WWTR1: variants seen among roughly 807,000 people sequenced by gnomAD.
The protein encoded by WWTR1 is WW domain-containing transcription regulator protein 1.
In WWTR1, 13 loss-of-function variants were observed where a neutral mutation model predicts 40.1. The ratio of observed to expected loss-of-function variants is 0.32; its 90% CI spans 0.21 to 0.52. The LOEUF (loss-of-function observed/expected upper bound fraction) is 0.52, where lower values mean the gene tolerates loss of function less well. Ranked by LOEUF, WWTR1 falls within the 20% of genes least tolerant of loss-of-function variation. The probability of loss-of-function intolerance (pLI) is 0.97; values close to 1 mark genes in which losing one functional copy is unlikely to be tolerated. For missense variants in WWTR1, 436 were observed against 523.1 expected, an observed-to-expected ratio of 0.83 and a Z score of 1.63; for synonymous variants, 230 against 210.1, an observed-to-expected ratio of 1.09 and a Z score of -0.82.
At chr3:149,571,230 T>C (rs1423879844) in intron 3 of WWTR1, among the ~76,000 whole-genome samples, 1 of 142,546 alleles carries the variant, frequency 7.0e-6, no homozygotes, top group Non-Finnish European at 1.6e-5. Flanking sequence ...TTTTTTTTTT[T>C]TTTTTTGTAA....
chr3:149,700,739 G>A (rs941450015), intron 1 of WWTR1, among the ~76,000 whole-genome samples: 3 of 152,148 alleles, frequency 2.0e-5, no homozygotes, highest in Admixed American at 6.5e-5. Flanking sequence ...TCACAGGCTG[G>A]GGGCCATGGG....
In WWTR1 at chr3:149,622,489, G is replaced by GAAA. The variant is rs1560089651; in HGVS notation, c.431+34386_431+34387insTTT. The stretch of plus-strand genomic sequence containing the variant: ...AGGAAGGAAGGAAGGAAGGAAGGAA[G>GAAA]GAAGGAAGGAAGGAAGAAAGAAAGA... On this transcript the variant is annotated intron_variant, in intron 2 of 6. Transcript: ENST00000360632. Among the ~76,000 whole-genome samples the GAAA allele has an allele frequency of 1.5e-3, 204 of 134,946 alleles. 3 individuals carry two copies. The East Asian group carries it at 0.029, about 19-fold the overall frequency. The allele number at this position is 134,946 out of a possible 152,430, so 88.5% of individuals were successfully genotyped here.
intron 1 of WWTR1, among the ~76,000 whole-genome samples, chr3:149,692,157 A>T (rs551085517): frequency 4.1e-5 from 6 of 146,472 alleles, no homozygotes; most frequent in African/African-American, 7.8e-5. Flanking sequence ...AAGACACATT[A>T]AAAAAAAAAA....
At position 149,520,026 on chromosome 3, in the gene WWTR1, C is replaced by G. The variant is rs566104908; in HGVS notation, c.*779G>C. On this transcript the variant is annotated 3_prime_UTR_variant, in exon 7 of 7. Transcript: ENST00000360632. The stretch of plus-strand genomic sequence containing the variant: ...TTTTAAATCCCCAGTTGTAATATTT[C>G]AAAAACTTTTGTTTGAATAAAATGC... 1 of 151,704 alleles carries G rather than the reference C, an allele frequency of 6.6e-6. No individual in the cohort carries two copies. The highest frequency in any genetic ancestry group is 6.6e-5 in the Admixed American group (1 of 15,230). The allele number at this position is 151,704 out of a possible 1,614,324, so 9.4% of individuals were successfully genotyped here. A position where few individuals can be genotyped will look rare whatever the true frequency, so the allele number is the denominator to read the frequency against.
At chr3:149,613,281 C>T (rs1430022096) in intron 2 of WWTR1, among the ~76,000 whole-genome samples, 2 of 152,138 alleles carry the variant, frequency 1.3e-5, no homozygotes, top group South Asian at 2.1e-4. Context: ...AGGGGACTGG[C>T]CTAGGAACTA....
At chr3:149,632,294 G>A (rs1468471760) in intron 2 of WWTR1, among the ~76,000 whole-genome samples, 3 of 152,040 alleles carry the variant, frequency 2.0e-5, no homozygotes, top group Non-Finnish European at 4.4e-5. Context: ...GTTGCCCCAA[G>A]GCCACGTAGT....
At chr3:149,577,306 C>T (rs756899014) in intron 2 of WWTR1, among the ~76,000 whole-genome samples, 10 of 152,182 alleles carry the variant, frequency 6.6e-5, no homozygotes, top group Admixed American at 1.3e-4. Context: ...GCAGTTCCTA[C>T]GGGGAAGAAA....
intron 2 of WWTR1, among the ~76,000 whole-genome samples, chr3:149,627,184 T>C (rs1055859258): frequency 2.6e-5 from 4 of 152,222 alleles, no homozygotes; most frequent in African/African-American, 9.6e-5. Flanking sequence ...ATTGTTTATT[T>C]GAAATTCAAA....
Position 149,700,057 on chromosome 3 carries a change from C to A in WWTR1, c.-108+3067G>T, listed in dbSNP as rs181404880. ...GACTATACAAGCGTAGCACCAACATCTATTCAGCTTCTGGTGAGGGCTTCA... is the reference window on the plus strand; with the variant it reads ...GACTATACAAGCGTAGCACCAACATATATTCAGCTTCTGGTGAGGGCTTCA... On this transcript the variant is annotated intron_variant, in intron 1 of 7. Transcript: ENST00000465804. Among the ~76,000 whole-genome samples the A allele has an allele frequency of 2.0e-5, 3 of 152,352 alleles. No homozygotes were observed. The East Asian group carries it at 5.8e-4, about 29-fold the overall frequency.
chr3:149,704,959 A>G (rs1715292650), upstream of WWTR1, among the ~76,000 whole-genome samples: 1 of 152,088 alleles, frequency 6.6e-6, no homozygotes, highest in Admixed American at 6.5e-5. Context: ...TAAAAAAGCT[A>G]ATAATATCTT....
chr3:149,572,084 T>C (rs1737659138), intron 3 of WWTR1, among the ~76,000 whole-genome samples: 1 of 152,158 alleles, frequency 6.6e-6, no homozygotes. Context: ...AGAAGCCACC[T>C]GCAGGTTATG....
upstream of WWTR1, among the ~76,000 whole-genome samples, chr3:149,707,454 A>T (rs754867495): frequency 1.3e-5 from 2 of 152,186 alleles, no homozygotes; most frequent in Non-Finnish European, 2.9e-5. Flanking sequence ...TCCCTTTGTC[A>T]ACTAAGAAAT....
intron 3 of WWTR1, among the ~76,000 whole-genome samples, chr3:149,566,056 C>T (rs1445787990): frequency 1.3e-5 from 2 of 151,594 alleles, no homozygotes; most frequent in Non-Finnish European, 2.9e-5. Flanking sequence ...ATTGAGGGCA[C>T]AGTGGCTCAC....
rs921645131 is a variant in WWTR1, at chr3:149,525,841, C to T, written c.1018+172G>A. 6.8e-5 allele frequency: 28 copies of T among 412,764 alleles called. 1 individual carries two copies. Among genetic ancestry groups the T allele is most frequent in the Middle Eastern group, 6.3e-4 (1 of 1,596 alleles). 25.6% of individuals were successfully genotyped at this position (412,764 alleles called of 1,614,324 possible). ...ACCTGGGTGACGAGAGCAATCGTAT[C>T]CCAAACCCCGGCATCACATAACCAT... On this transcript the variant is annotated intron_variant, in intron 6 of 6. Transcript: ENST00000360632.
chr3:149,622,494 GAAGGAAGGAAGAAAGAAAGA>G (rs1416441590), intron 2 of WWTR1, among the ~76,000 whole-genome samples: 25 of 44,880 alleles, frequency 5.6e-4, no homozygotes, highest in African/African-American at 1.5e-3. Flanking sequence ...AGGAAGGAAG[GAAGGAAGGAAGAAAGAAAGA>G]AAGAAAGAAA....
chr3:149,702,464 CTTATTATTATTATTA>C (rs151003115), intron 1 of WWTR1: 1 of 147,272 alleles, frequency 6.8e-6, no homozygotes, highest in African/African-American at 2.5e-5. Context: ...CTCTCTAAGC[CTTATTATTATTATTA>C]TTATTATTAT....
chr3:149,528,005 A>G (rs1735408100), intron 4 of WWTR1, 36 bp from the exon 5 acceptor site: 1 of 1,598,016 alleles, frequency 6.3e-7, no homozygotes, highest in Admixed American at 1.7e-5. Context: ...TCATGCACTC[A>G]TTGTCACAAG....
At chr3:149,717,961 G>A (rs1715651213) in intron 4 of WWTR1, among the ~76,000 whole-genome samples, 1 of 151,318 alleles carries the variant, frequency 6.6e-6, no homozygotes, top group Non-Finnish European at 1.5e-5. Flanking sequence ...TCTAATTTTA[G>A]AAAAAAATAG....
chr3:149,666,133 T>A (rs1713806841), intron 2 of WWTR1, among the ~76,000 whole-genome samples: 1 of 152,204 alleles, frequency 6.6e-6, no homozygotes, highest in Admixed American at 6.5e-5. Context: ...CTGGTTACAC[T>A]AGCTGTTCAA....
Sources: allele counts gnomAD v4.1 joint callset (sites outside exome capture counted in the v4.1 genomes callset), GRCh38; gene constraint gnomAD v4.1.1; transcripts MANE v1.5; gene names NCBI Gene and HGNC (gene_info 2026-07-23, HGNC 2026-07-21).